Variants in FAM83G observed in about 807,000 individuals in gnomAD.
FAM83G encodes the protein scaffolding CK1 anchoring protein G.
FAM83G carries 38 observed loss-of-function variants against 61.5 expected under a neutral mutation model. The observed-to-expected ratio is 0.62, with a 90% CI of 0.48 to 0.81. The LOEUF is 0.81. FAM83G is among the 30% of genes least tolerant of loss of function. The pLI is 0.00. For synonymous variants in FAM83G, 470 were observed against 476.1 expected, an observed-to-expected ratio of 0.99 and a Z score of 0.17; for missense variants, 989 against 1,133.6, an observed-to-expected ratio of 0.87 and a Z score of 1.83.
intron 2 of FAM83G, among the ~76,000 whole-genome samples, chr17:18,989,426 C>G (rs752281722): frequency 6.7e-6 from 1 of 150,310 alleles, no homozygotes; most frequent in Non-Finnish European, 1.5e-5. Context: ...GCAGGCCCAT[C>G]TGGGCTCCTC....
chr17:18,971,721 G>A lies in FAM83G; in HGVS notation c.2110C>T (p.Pro704Ser). The stretch of plus-strand genomic sequence containing the variant: ...TCTTTATCCCTAGTCCCTGAGGCAG[G>A]GACCCTGTGATGATGAAACTGCTGG... ...QGQQFHHHRV[P>S]ASGTRDKDGF... Residue 704 changes from proline to serine, a missense_variant, in exon 6 of 6, where the codon CCT (proline) becomes TCT (serine). Physicochemically the swap from Pro to Ser is moderately conservative, Grantham distance 74. Coordinates refer to ENST00000388995, the MANE Select transcript of FAM83G (RefSeq NM_001039999.3). The surrounding 1 kb of genome is among the most constrained non-coding windows in gnomAD (Gnocchi z 5.5). 1 of 1,588,010 alleles carries A rather than the reference G, an allele frequency of 6.3e-7. No individual in the cohort carries two copies.
At chr17:18,987,572 T>G (rs1307509251) in intron 3 of FAM83G, among the ~76,000 whole-genome samples, 1 of 151,626 alleles carries the variant, frequency 6.6e-6, no homozygotes, top group East Asian at 1.9e-4. Context: ...AGAAGGGAGG[T>G]GACATGCCCA....
chr17:18,990,201 C>T (rs77322846), intron 2 of FAM83G, among the ~76,000 whole-genome samples: 1 of 152,134 alleles, frequency 6.6e-6, no homozygotes, highest in African/African-American at 2.4e-5. Flanking sequence ...TAAGAGGGAG[C>T]TCACTCCCTG....
chr17:19,001,356 C>T (rs138121760), intron 2 of FAM83G, among the ~76,000 whole-genome samples: 2 of 152,330 alleles, frequency 1.3e-5, no homozygotes, highest in East Asian at 1.9e-4. Context: ...GGAGCTTAGT[C>T]TCTACTGCCT....
rs2043578162 is a variant in FAM83G, at chr17:18,996,643, C to A, written c.522+6877G>T. On this transcript the variant is annotated intron_variant, in intron 2 of 5. Transcript: ENST00000388995. This position sits in a 1 kb window ranked among gnomAD's most constrained non-coding sequence, Gnocchi z 4.4. ...GCCAGAGCAAGGATAATTAGGCCAACCAGCTGGCACGCATACAGGTGTCCC... is the reference window on the plus strand; with the variant it reads ...GCCAGAGCAAGGATAATTAGGCCAAACAGCTGGCACGCATACAGGTGTCCC... Among the ~76,000 whole-genome samples, 1 of 152,142 alleles carries A rather than the reference C, an allele frequency of 6.6e-6. No homozygotes were observed. Among genetic ancestry groups the A allele is most frequent in the Non-Finnish European group, 1.5e-5 (1 of 68,030 alleles).
At chr17:18,984,503 G>A (rs981091863) in intron 3 of FAM83G, among the ~76,000 whole-genome samples, 1 of 152,214 alleles carries the variant, frequency 6.6e-6, no homozygotes, top group African/African-American at 2.4e-5. Flanking sequence ...GAGCGGCAGC[G>A]ATCCTCACTT....
At chr17:18,992,200 T>A (rs763603799) in intron 2 of FAM83G, among the ~76,000 whole-genome samples, 6 of 152,102 alleles carry the variant, frequency 3.9e-5, no homozygotes, top group Admixed American at 6.5e-5. Context: ...GCCCAGTGGA[T>A]CCGCCGGCCT....
Position 18,971,504 on chromosome 17 carries a change from G to A in FAM83G, c.2327C>T (p.Thr776Ile). 1 of 1,614,046 alleles carries A rather than the reference G, an allele frequency of 6.2e-7. No individual in the cohort carries two copies. The highest frequency in any genetic ancestry group is 8.5e-7 in the Non-Finnish European group (1 of 1,180,024). The change falls in exon 6 of 6, where the codon ACC becomes ATC. Residue 776 changes from threonine to isoleucine, a missense_variant. Around this residue, in one of 3 missense-constraint regions of FAM83G, gnomAD observed 574 missense variants for 645.1 expected, o/e 0.89. Transcript: ENST00000388995. This position sits in a 1 kb window ranked among gnomAD's most constrained non-coding sequence, Gnocchi z 5.5. ...NARPMTDGRA[T>I]EEHPSPFGIP... ...TCCGAAGGGACTCGGATGCTCCTCG[G>A]TGGCCCTGCCATCGGTCATGGGGCG...
chr17:18,971,565 G>A lies in FAM83G; in HGVS notation c.2266C>T (p.Pro756Ser), dbSNP rs946425106. 1 of 1,613,826 alleles carries A rather than the reference G, an allele frequency of 6.2e-7. No individual in the cohort carries two copies. Among genetic ancestry groups the A allele is most frequent in the Non-Finnish European group, 8.5e-7 (1 of 1,180,032 alleles). The change falls in exon 6 of 6, where the codon CCG becomes TCG. Residue 756 changes from proline to serine, a missense_variant. This residue lies in a region of FAM83G where 574 missense variants were observed against 645.1 expected (regional missense o/e 0.89). Coordinates refer to ENST00000388995, the MANE Select transcript of FAM83G (RefSeq NM_001039999.3). This position sits in a 1 kb window ranked among gnomAD's most constrained non-coding sequence, Gnocchi z 5.5. Reference sequence around the variant, plus strand: ...GCCAGTCTTGGGCTGCCGGGATCCGGAAGCAGGCGGGGTACCTGACCTCCC... The same window carrying A: ...GCCAGTCTTGGGCTGCCGGGATCCGAAAGCAGGCGGGGTACCTGACCTCCC... Reference protein sequence around the residue: ...AKGGQVPRLLPDPGSPRLAQN... With the variant: ...AKGGQVPRLLSDPGSPRLAQN...
intron 2 of FAM83G, 132 bp from the exon 3 acceptor site, chr17:18,988,546 C>T (rs777364364): frequency 3.5e-5 from 51 of 1,442,818 alleles, no homozygotes; most frequent in Admixed American, 1.1e-4. Context: ...CTCCTGGAGC[C>T]TCAGGCCCGG....
rs2042860614 is a variant in FAM83G, at chr17:18,971,716, G to A, written c.2115C>T (p.Ala705=). The A allele has an allele frequency of 6.3e-7, 1 of 1,590,652 alleles. No homozygotes were observed. Residue 705 remains alanine, a synonymous_variant, in exon 6 of 6, where the codon GCC becomes GCT. Transcript: ENST00000388995. This position sits in a 1 kb window ranked among gnomAD's most constrained non-coding sequence, Gnocchi z 5.5. ...GQQFHHHRVP[A]SGTRDKDGFP... ...AGCCGTCTTTATCCCTAGTCCCTGA[G>A]GCAGGGACCCTGTGATGATGAAACT...
chr17:18,988,322 G>A lies in FAM83G; in HGVS notation c.615C>T (p.Ile205=). 1.9e-6 allele frequency: 3 copies of A among 1,614,242 alleles called. No individual in the cohort carries two copies. Among genetic ancestry groups the A allele is most frequent in the Non-Finnish European group, 2.5e-6 (3 of 1,180,050 alleles). Residue 205 remains isoleucine, a synonymous_variant, in exon 3 of 6, where the codon ATC becomes ATT. Coordinates refer to ENST00000388995, the MANE Select transcript of FAM83G (RefSeq NM_001039999.3). ...AGFKRKVAVY[I]IVDESNVKYF... ...ACTTGACGTTACTCTCATCCACGAT[G>A]ATGTACACGGCCACTTTCCTCTTGA...
chr17:19,002,966 T>C (rs2043768572), intron 2 of FAM83G, among the ~76,000 whole-genome samples: 1 of 152,136 alleles, frequency 6.6e-6, no homozygotes, highest in African/African-American at 2.4e-5. Flanking sequence ...GTTTCCACCA[T>C]TGCAAAGCTC....
In FAM83G at chr17:18,978,066, C is replaced by T; in HGVS notation, c.1600G>A (p.Ala534Thr). Residue 534 changes from alanine (A) to threonine (T), a missense_variant, in exon 5 of 6, where the codon GCT becomes ACT. By Grantham distance (58) the Ala-to-Thr change is moderately conservative. Around this residue, in one of 3 missense-constraint regions of FAM83G, gnomAD observed 574 missense variants for 645.1 expected, o/e 0.89. Transcript: ENST00000388995. ...CTATGGTCTGTCCCATTCTGGGGAG[C>T]TTCCTCTTTGGGGAGCTCCAGGACC... ...GWVLELPKEE[A>T]PQNGTDHRLP... 1 of 1,517,558 alleles carries T rather than the reference C, an allele frequency of 6.6e-7. No homozygotes were observed. The highest frequency in any genetic ancestry group is 1.4e-5 in the African/African-American group (1 of 71,850). The allele number at this position is 1,517,558 out of a possible 1,614,324, so 94.0% of individuals were successfully genotyped here. A position where few individuals can be genotyped will look rare whatever the true frequency, so the allele number is the denominator to read the frequency against.
At position 19,003,487 on chromosome 17, in the gene FAM83G, G is replaced by T; in HGVS notation, c.522+33C>A. 1 of 1,504,852 alleles carries T rather than the reference G, an allele frequency of 6.6e-7. No homozygotes were observed. The highest frequency in any genetic ancestry group is 1.4e-5 in the African/African-American group (1 of 71,312). 93.2% of individuals were successfully genotyped at this position (1,504,852 alleles called of 1,614,324 possible). ...TGAGAGGGGTCCGGTGGCTGGTTGG[G>T]CCATGGCTCCAGGAGTCCCCGCGCT... On this transcript the variant is annotated intron_variant, in intron 2 of 5. Transcript: ENST00000388995. The surrounding 1 kb of genome is among the most constrained non-coding windows in gnomAD (Gnocchi z 4.5).
At chr17:18,988,105 T>C in intron 3 of FAM83G, 142 bp downstream of exon 3, 1 of 1,293,022 alleles carries the variant, frequency 7.7e-7, no homozygotes, top group Non-Finnish European at 1.0e-6. Flanking sequence ...ATGTGACTGC[T>C]TGGCAGGAGG....
At position 18,969,778 on chromosome 17, in the gene FAM83G, G is replaced by T. The variant is rs1275289007; in HGVS notation, c.*1581C>A. On this transcript the variant is annotated 3_prime_UTR_variant, in exon 6 of 6. Coordinates refer to ENST00000388995, the MANE Select transcript of FAM83G (RefSeq NM_001039999.3). ...CACACAACCAGGAGGCCATAAAACT[G>T]CCTGGGCAGCTCCTCCAATTGTTTA... is the stretch of plus-strand genomic sequence containing the variant. The T allele has an allele frequency of 1.2e-5, 3 of 255,968 alleles. No individual in the cohort carries two copies. Among genetic ancestry groups the T allele is most frequent in the Non-Finnish European group, 2.2e-5 (3 of 134,424 alleles). The allele number at this position is 255,968 out of a possible 1,614,324, so 15.9% of individuals were successfully genotyped here. A position where few individuals can be genotyped will look rare whatever the true frequency, so the allele number is the denominator to read the frequency against.
rs1316240060 is a variant in FAM83G, at chr17:18,988,265, C to G, written c.672G>C (p.Met224Ile). 6.2e-7 allele frequency: 1 copy of G among 1,610,048 alleles called. No individual in the cohort carries two copies. The highest frequency in any genetic ancestry group is 1.3e-5 in the African/African-American group (1 of 74,886). The stretch of plus-strand genomic sequence containing the variant: ...TGCTCACCTTGAGGTGCCCCAGGTG[C>G]ATGCAGGCCCGCTCACACATGTGCA... ...YFLHMCERAC[M>I]HLGHLKNLRV... Residue 224 changes from methionine to isoleucine, a missense_variant, in exon 3 of 6, where the codon ATG becomes ATC. Physicochemically the swap from Met to Ile is conservative, Grantham distance 10. Transcript: ENST00000388995.
Position 19,003,017 on chromosome 17 carries a change from G to C in FAM83G, c.522+503C>G, listed in dbSNP as rs896880420. ...GAGGGTGTGCAATCTGCTCCCAGTTGCTCAGCACAGCTAGGAAACAGGCAG... is the reference window on the plus strand; with the variant it reads ...GAGGGTGTGCAATCTGCTCCCAGTTCCTCAGCACAGCTAGGAAACAGGCAG... On this transcript the variant is annotated intron_variant, in intron 2 of 5. Transcript: ENST00000388995. The surrounding 1 kb of genome is among the most constrained non-coding windows in gnomAD (Gnocchi z 4.5). Among the ~76,000 whole-genome samples the C allele has an allele frequency of 6.6e-5, 10 of 152,226 alleles. No homozygotes were observed. The highest frequency in any genetic ancestry group is 3.4e-3 in the Middle Eastern group (1 of 294).
Sources: allele counts gnomAD v4.1 joint callset (sites outside exome capture counted in the v4.1 genomes callset), GRCh38; gene constraint gnomAD v4.1.1; regional missense constraint gnomAD v4.1.1; non-coding constraint Gnocchi (gnomAD v3.1); transcripts MANE v1.5; gene names NCBI Gene and HGNC (gene_info 2026-07-23, HGNC 2026-07-21).